Variants in ZNF469 observed in about 807,000 individuals in gnomAD.
The protein encoded by ZNF469 is zinc finger protein 469.
A neutral mutation model predicts 1.0 loss-of-function variants in ZNF469; 1 was observed. The ratio of observed to expected loss-of-function variants is 1.00; its 90% CI spans 0.35 to 4.73. The LOEUF (loss-of-function observed/expected upper bound fraction) is 4.73, where lower values mean the gene tolerates loss of function less well. Ranked by LOEUF, ZNF469 falls within the 30% of genes most tolerant of loss-of-function variation. The pLI is 0.16. For synonymous variants in ZNF469, 2,703 were observed against 2,363.4 expected, an observed-to-expected ratio of 1.14 and a Z score of -4.17; for missense variants, 6,100 against 5,356.3, an observed-to-expected ratio of 1.14 and a Z score of -4.33.
At chr16:88,238,113 C>T in the ZNF469 span, among the ~76,000 whole-genome samples, 2 of 152,216 alleles carry the variant, frequency 1.3e-5, no homozygotes, top group African/African-American at 4.8e-5. Context: ...TGAAATCCAC[C>T]CTCTAATTTT....
intron 1 of ZNF469, among the ~76,000 whole-genome samples, chr16:88,391,958 C>T (rs1904503171): frequency 6.6e-6 from 1 of 152,162 alleles, no homozygotes; most frequent in African/African-American, 2.4e-5. Flanking sequence ...GTATGACAAC[C>T]TGTCATATAA....
chr16:88,110,414 T>A, the ZNF469 span, among the ~76,000 whole-genome samples: 2 of 152,250 alleles, frequency 1.3e-5, no homozygotes, highest in Non-Finnish European at 2.9e-5. Flanking sequence ...CCGTCCGTCT[T>A]CTCTGGCAGG....
the ZNF469 span, among the ~76,000 whole-genome samples, chr16:88,215,150 G>T: frequency 6.6e-6 from 1 of 151,980 alleles, no homozygotes; most frequent in Admixed American, 6.6e-5. Flanking sequence ...TTTTTACCTA[G>T]TCTCCAATAA....
the ZNF469 span, among the ~76,000 whole-genome samples, chr16:88,191,236 T>C: frequency 3.3e-5 from 5 of 152,176 alleles, no homozygotes; most frequent in Admixed American, 3.3e-4. Flanking sequence ...GTTCTACTCT[T>C]TCCTTTCTTT....
chr16:88,366,218 C>T, the ZNF469 span, among the ~76,000 whole-genome samples: 1 of 151,226 alleles, frequency 6.6e-6, no homozygotes, highest in Non-Finnish European at 1.5e-5. Flanking sequence ...ATCATCATCA[C>T]CACCATCATA....
chr16:88,125,967 T>C, the ZNF469 span, among the ~76,000 whole-genome samples: 5 of 151,880 alleles, frequency 3.3e-5, no homozygotes, highest in East Asian at 5.8e-4. Context: ...TGCGGGTGGA[T>C]TGCCTGAGCT....
chr16:88,110,778 G>C, the ZNF469 span, among the ~76,000 whole-genome samples: 2 of 152,256 alleles, frequency 1.3e-5, no homozygotes, highest in Non-Finnish European at 2.9e-5. Context: ...TGCGGGTTGG[G>C]CAGGTGCTTG....
At position 88,429,534 on chromosome 16, in the gene ZNF469, C is replaced by A. The variant is rs1251546732; in HGVS notation, c.2064C>A (p.Thr688=). 3.9e-6 allele frequency: 6 copies of A among 1,550,160 alleles called. No individual in the cohort carries two copies. The East Asian group carries it at 1.2e-4, about 32-fold the overall frequency. ...GTGCCTTCCAGTGCCTGGAGGAGAC[C>A]CCATTCCCCCACGAGGGCCCCGAGG... ...AEGAFQCLEE[T]PFPHEGPEVG... The change falls in exon 3 of 3, where the codon ACC becomes ACA. Residue 688 remains threonine (T), a synonymous_variant. Coordinates refer to ENST00000565624, the MANE Select transcript of ZNF469 (RefSeq NM_001367624.2).
At chr16:88,285,976 C>A in the ZNF469 span, among the ~76,000 whole-genome samples, 1 of 152,246 alleles carries the variant, frequency 6.6e-6, no homozygotes, top group African/African-American at 2.4e-5. Context: ...CTGCTCAGCC[C>A]CCATCGGACC....
At position 88,428,411 on chromosome 16, in the gene ZNF469, C is replaced by T. The variant is rs777666112; in HGVS notation, c.941C>T (p.Pro314Leu). Residue 314 changes from proline (P) to leucine (L), a missense_variant, in exon 3 of 3, where the codon CCG becomes CTG. Coordinates refer to ENST00000565624, the MANE Select transcript of ZNF469 (RefSeq NM_001367624.2). Reference protein sequence around the residue: ...FAFHQPQGAWPEEAVGTGPAY... With the variant: ...FAFHQPQGAWLEEAVGTGPAY... Reference sequence around the variant, plus strand: ...TTCCATCAGCCCCAGGGAGCGTGGCCGGAGGAGGCCGTGGGCACGGGCCCT... The same window carrying T: ...TTCCATCAGCCCCAGGGAGCGTGGCTGGAGGAGGCCGTGGGCACGGGCCCT... 141 of 1,548,072 alleles carry T rather than the reference C, an allele frequency of 9.1e-5. No homozygotes were observed. The highest frequency in any genetic ancestry group is 1.7e-4 in the Middle Eastern group (1 of 6,012).
chr16:88,310,735 A>T, the ZNF469 span, among the ~76,000 whole-genome samples: 1 of 152,058 alleles, frequency 6.6e-6, no homozygotes, highest in African/African-American at 2.4e-5. Context: ...GTGCGCCACC[A>T]TGCCCAACTA....
the ZNF469 span, among the ~76,000 whole-genome samples, chr16:88,316,197 T>G: frequency 6.6e-6 from 1 of 152,226 alleles, no homozygotes; most frequent in Non-Finnish European, 1.5e-5. Context: ...TCATACGTTT[T>G]GAACAGTCCT....
chr16:88,249,800 T>G, the ZNF469 span, among the ~76,000 whole-genome samples: 1 of 152,208 alleles, frequency 6.6e-6, no homozygotes, highest in Admixed American at 6.5e-5. Context: ...TGGGCTCAAG[T>G]GATTCTCCCT....
chr16:88,188,714 C>T, the ZNF469 span, among the ~76,000 whole-genome samples: 1 of 152,168 alleles, frequency 6.6e-6, no homozygotes, highest in South Asian at 2.1e-4. Context: ...GATCCCAGTC[C>T]AGGCTAGCTG....
Position 88,436,533 on chromosome 16 carries a change from C to A in ZNF469, c.9063C>A (p.Pro3021=), listed in dbSNP as rs374160099. Residue 3021 remains proline (P), a synonymous_variant, in exon 3 of 3, where the codon CCC becomes CCA. Coordinates refer to ENST00000565624, the MANE Select transcript of ZNF469 (RefSeq NM_001367624.2). ...SSLGDVSPEP[P]SLERERCDGG... ...TCGGAGATGTGAGCCCCGAGCCCCC[C>A]AGCCTGGAGAGAGAACGCTGTGACG... 10 of 1,549,310 alleles carry A rather than the reference C, an allele frequency of 6.5e-6. No individual in the cohort carries two copies. The highest frequency in any genetic ancestry group is 8.7e-6 in the Non-Finnish European group (10 of 1,146,932).
chr16:88,338,482 G>T, the ZNF469 span, among the ~76,000 whole-genome samples: 1 of 152,168 alleles, frequency 6.6e-6, no homozygotes, highest in South Asian at 2.1e-4. Flanking sequence ...CCCAGGGTGT[G>T]TTTGCCCCGC....
chr16:88,288,650 G>A, the ZNF469 span, among the ~76,000 whole-genome samples: 2 of 152,218 alleles, frequency 1.3e-5, no homozygotes, highest in African/African-American at 4.8e-5. Flanking sequence ...GCTGGAGCTA[G>A]ACGGGACCCC....
At chr16:88,156,756 C>A in the ZNF469 span, among the ~76,000 whole-genome samples, 1 of 152,030 alleles carries the variant, frequency 6.6e-6, no homozygotes, top group Non-Finnish European at 1.5e-5. Context: ...TGAGGTGCTG[C>A]TGGGGGCTGG....
the ZNF469 span, among the ~76,000 whole-genome samples, chr16:88,249,794 C>T: frequency 4.6e-5 from 7 of 152,170 alleles, no homozygotes; most frequent in Non-Finnish European, 1.0e-4. Flanking sequence ...CTGGTCTGGG[C>T]TCAAGTGATT....
Sources: gnomAD v4.1 joint callset for allele counts (sites outside exome capture counted in the v4.1 genomes callset) on GRCh38, gnomAD v4.1.1 for gene constraint, MANE v1.5 for transcripts, NCBI Gene and HGNC (gene_info 2026-07-23, HGNC 2026-07-21) for gene names.